PTBP3: variants seen among roughly 807,000 people sequenced by gnomAD.
The protein encoded by PTBP3 is polypyrimidine tract-binding protein 3.
In PTBP3, 20 loss-of-function variants were observed where a neutral mutation model predicts 58.7. That is an observed-to-expected ratio of 0.34 (90% CI 0.24 to 0.50). The LOEUF (loss-of-function observed/expected upper bound fraction) is 0.50. PTBP3 is among the 20% of genes least tolerant of loss of function. The probability of loss-of-function intolerance (pLI) is 0.98; values close to 1 mark genes in which losing one functional copy is unlikely to be tolerated. For synonymous variants in PTBP3, 185 were observed against 219.8 expected (o/e 0.84, Z 1.40); for missense variants, 509 against 637.2 (o/e 0.80, Z 2.17).
chr9:112,326,303 G>GT (rs1830154682), intron 1 of PTBP3, among the ~76,000 whole-genome samples: 1 of 152,170 alleles, frequency 6.6e-6, no homozygotes, highest in East Asian at 1.9e-4. Context: ...GCAGGCAAAC[G>GT]TTTTCTGTAA....
At position 112,222,525 on chromosome 9, in the gene PTBP3, AC is replaced by A. The variant is rs760363231; in HGVS notation, c.*1325del. On this transcript the variant is annotated 3_prime_UTR_variant, in exon 14 of 14. Transcript: ENST00000374257. ...TACAGCCCCAAATTGATATGCAATA[AC>A]CCCTATCAGTCACAATGTAAAGAGG... 138 of 985,562 alleles carry A rather than the reference AC, an allele frequency of 1.4e-4. No individual in the cohort carries two copies. In the Middle Eastern group the frequency reaches 2.6e-3, roughly 19 times the overall value. The allele number at this position is 985,562 out of a possible 1,614,324, so 61.1% of individuals were successfully genotyped here.
intron 2 of PTBP3, among the ~76,000 whole-genome samples, chr9:112,288,808 A>C (rs1828250841): frequency 6.6e-6 from 1 of 152,218 alleles, no homozygotes; most frequent in Non-Finnish European, 1.5e-5. Context: ...AATTTGATGG[A>C]TTTAAGAGTT....
At chr9:112,314,776 T>TA (rs954520776) in intron 1 of PTBP3, among the ~76,000 whole-genome samples, 5 of 151,100 alleles carry the variant, frequency 3.3e-5, no homozygotes, top group African/African-American at 9.7e-5. Context: ...TTTAACAGAA[T>TA]AAAAAATCAG....
chr9:112,233,275 GTGTGTGTGT>G (rs1564393109), intron 8 of PTBP3, among the ~76,000 whole-genome samples: 1 of 4,976 alleles, frequency 2.0e-4, no homozygotes, highest in African/African-American at 3.5e-3. Flanking sequence ...ACTGTAGGGT[GTGTGTGTGT>G]GTGTGTGTGT....
chr9:112,365,192 C>G, the PTBP3 span, among the ~76,000 whole-genome samples: 1 of 152,110 alleles, frequency 6.6e-6, no homozygotes, highest in Admixed American at 6.5e-5. Flanking sequence ...ATGTATGTAT[C>G]TATCTATACA....
chr9:112,267,168 C>CT (rs59575179), intron 4 of PTBP3, among the ~76,000 whole-genome samples: 7,904 of 137,564 alleles, frequency 0.057, 423 homozygotes, highest in African/African-American at 0.14. Flanking sequence ...AACCCACTTT[C>CT]TTTTTTTTTT....
At chr9:112,354,807 C>T in the PTBP3 span, among the ~76,000 whole-genome samples, 1 of 151,912 alleles carries the variant, frequency 6.6e-6, no homozygotes, top group Admixed American at 6.6e-5. Flanking sequence ...TGGTTAGGCA[C>T]AATCTGAAAA....
At chr9:112,268,002 T>C (rs1827173652) in intron 4 of PTBP3, 47 bp downstream of exon 4, 6 of 1,534,442 alleles carry the variant, frequency 3.9e-6, no homozygotes, top group East Asian at 2.3e-5. Context: ...TAAGTTATCA[T>C]ACCATGTGTT....
chr9:112,352,490 T>C, the PTBP3 span, among the ~76,000 whole-genome samples: 1 of 152,188 alleles, frequency 6.6e-6, no homozygotes, highest in Non-Finnish European at 1.5e-5. Flanking sequence ...GTCAGCAAAC[T>C]GAGTCCTGAA....
At chr9:112,341,622 G>A in the PTBP3 span, among the ~76,000 whole-genome samples, 5 of 152,050 alleles carry the variant, frequency 3.3e-5, no homozygotes, top group Non-Finnish European at 7.4e-5. Context: ...TTTTCTGTGC[G>A]TTATTGATTT....
At chr9:112,230,670 A>C (rs2131971528) in intron 10 of PTBP3, among the ~76,000 whole-genome samples, 1 of 152,360 alleles carries the variant, frequency 6.6e-6, no homozygotes, top group East Asian at 1.9e-4. Flanking sequence ...ATCAAAATGA[A>C]AACAAGGATT....
At chr9:112,375,268 T>G in the PTBP3 span, among the ~76,000 whole-genome samples, 2 of 152,226 alleles carry the variant, frequency 1.3e-5, no homozygotes, top group Non-Finnish European at 2.9e-5. Context: ...CAATCTTGCT[T>G]CTTCCAAGTC....
At chr9:112,336,137 G>A (rs1313847282), upstream of PTBP3, among the ~76,000 whole-genome samples, 1 of 152,010 alleles carries the variant, frequency 6.6e-6, no homozygotes, top group Non-Finnish European at 1.5e-5. Flanking sequence ...GCCTCCCAAA[G>A]TGCTGGGATT....
intron 1 of PTBP3, among the ~76,000 whole-genome samples, chr9:112,318,258 TACATTAAAAA>T (rs1829786003): frequency 6.6e-6 from 1 of 152,188 alleles, no homozygotes; most frequent in Non-Finnish European, 1.5e-5. Flanking sequence ...CATGATCATG[TACATTAAAAA>T]TCCTAAGAAA....
chr9:112,317,154 A>G (rs116592370), intron 1 of PTBP3, among the ~76,000 whole-genome samples: 1,606 of 152,098 alleles, frequency 0.011, 31 homozygotes, highest in African/African-American at 0.037. Context: ...GCACGGTGGG[A>G]GGACTGCTTA....
the PTBP3 span, among the ~76,000 whole-genome samples, chr9:112,353,181 G>A: frequency 2.8e-4 from 42 of 152,014 alleles, no homozygotes; most frequent in Admixed American, 2.3e-3. Flanking sequence ...GACTACAGGC[G>A]TGAGCCACGG....
At chr9:112,310,490 T>G (rs560431686) in intron 1 of PTBP3, among the ~76,000 whole-genome samples, 2 of 152,332 alleles carry the variant, frequency 1.3e-5, no homozygotes, top group South Asian at 4.1e-4. Context: ...TATAAATGTG[T>G]TAGCAATAAT....
intron 1 of PTBP3, among the ~76,000 whole-genome samples, chr9:112,312,657 A>G (rs1023228038): frequency 2.0e-5 from 3 of 151,798 alleles, no homozygotes; most frequent in African/African-American, 7.3e-5. Context: ...CTCTTCTTAT[A>G]ATCTTTCTGT....
intron 5 of PTBP3, among the ~76,000 whole-genome samples, chr9:112,259,637 C>G (rs1297383509): frequency 1.3e-5 from 2 of 152,200 alleles, no homozygotes. Context: ...GCATCAATCC[C>G]ATTTCAGTCA....
Sources: gnomAD v4.1 joint callset for allele counts (sites outside exome capture counted in the v4.1 genomes callset) on GRCh38, gnomAD v4.1.1 for gene constraint, MANE v1.5 for transcripts, NCBI Gene and HGNC (gene_info 2026-07-23, HGNC 2026-07-21) for gene names.